Variants in KCNAB1 observed in about 807,000 individuals in gnomAD.
KCNAB1 encodes potassium voltage-gated channel subfamily A regulatory beta subunit 1.
KCNAB1 carries 35 observed loss-of-function variants against 64.6 expected under a neutral mutation model. The observed-to-expected ratio is 0.54, with a 90% CI of 0.41 to 0.72. The LOEUF is 0.72. KCNAB1 is among the 30% of genes least tolerant of loss of function. The probability of loss-of-function intolerance (pLI) is 0.00; values close to 1 mark genes in which losing one functional copy is unlikely to be tolerated. For missense variants in KCNAB1, 401 were observed against 512.9 expected (o/e 0.78, Z 2.11); for synonymous variants, 177 against 183.8 (o/e 0.96, Z 0.30).
At chr3:156,145,343 C>CT (rs1714975931) in intron 1 of KCNAB1, among the ~76,000 whole-genome samples, 1 of 152,196 alleles carries the variant, frequency 6.6e-6, no homozygotes, top group Non-Finnish European at 1.5e-5. Flanking sequence ...ACCCACTCCC[C>CT]AATGTCCTTA....
intron 3 of KCNAB1, 102 bp downstream of exon 3, chr3:156,453,038 G>A: frequency 3.0e-6 from 2 of 667,670 alleles, no homozygotes; most frequent in Non-Finnish European, 2.6e-6. Flanking sequence ...ACAGGGATAA[G>A]GTTTAATTCA....
intron 8 of KCNAB1, among the ~76,000 whole-genome samples, chr3:156,504,098 C>A (rs1716648596): frequency 6.6e-6 from 1 of 152,108 alleles, no homozygotes; most frequent in Non-Finnish European, 1.5e-5. Flanking sequence ...TACCACTATT[C>A]TTTTCTCTGC....
chr3:156,231,220 C>A (rs1360288994), intron 1 of KCNAB1, among the ~76,000 whole-genome samples: 1 of 152,124 alleles, frequency 6.6e-6, no homozygotes, highest in African/African-American at 2.4e-5. Context: ...GAGGACTAAG[C>A]TCTGATTTTT....
chr3:156,390,472 G>C (rs1712953502), intron 1 of KCNAB1, among the ~76,000 whole-genome samples: 1 of 152,150 alleles, frequency 6.6e-6, no homozygotes, highest in South Asian at 2.1e-4. Flanking sequence ...AAAAAAAGGA[G>C]GGAAAGTGTT....
intron 1 of KCNAB1, among the ~76,000 whole-genome samples, chr3:156,409,352 A>G (rs570224830): frequency 1.3e-5 from 2 of 152,354 alleles, no homozygotes; most frequent in South Asian, 4.1e-4. Flanking sequence ...AGGTTATTTC[A>G]TAGGATTCTA....
At chr3:156,156,542 TA>T in intron 1 of KCNAB1, among the ~76,000 whole-genome samples, 1 of 152,268 alleles carries the variant, frequency 6.6e-6, no homozygotes, top group East Asian at 1.9e-4. Context: ...CTGGAACTGT[TA>T]TAAAAGTAGC....
chr3:156,160,061 G>A (rs1466209757), intron 1 of KCNAB1, among the ~76,000 whole-genome samples: 3 of 152,222 alleles, frequency 2.0e-5, no homozygotes, highest in Non-Finnish European at 4.4e-5. Flanking sequence ...TCTCTTGATA[G>A]TCAGGGATGA....
At chr3:156,375,964 C>T (rs900056641) in intron 1 of KCNAB1, among the ~76,000 whole-genome samples, 11 of 152,186 alleles carry the variant, frequency 7.2e-5, no homozygotes, top group African/African-American at 2.2e-4. Flanking sequence ...GGATTAAAGG[C>T]GCATGCCAAC....
intron 1 of KCNAB1, among the ~76,000 whole-genome samples, chr3:156,189,038 C>G (rs1317005698): frequency 6.6e-6 from 1 of 152,142 alleles, no homozygotes; most frequent in Non-Finnish European, 1.5e-5. Flanking sequence ...CAGGTTCCTC[C>G]AACCACAAGC....
intron 1 of KCNAB1, among the ~76,000 whole-genome samples, chr3:156,189,969 A>C (rs761454924): frequency 8.5e-5 from 13 of 152,224 alleles, no homozygotes; most frequent in Non-Finnish European, 1.9e-4. Context: ...TGTTTGGCCA[A>C]ATATTAAACC....
At chr3:156,265,339 ACTT>A (rs144497205) in intron 1 of KCNAB1, among the ~76,000 whole-genome samples, 1,540 of 152,192 alleles carry the variant, frequency 0.01, 27 homozygotes, top group African/African-American at 0.035. Context: ...CCATCCAGCT[ACTT>A]CTTCTCCCTA....
chr3:156,272,032 T>G (rs1429694333), intron 1 of KCNAB1, among the ~76,000 whole-genome samples: 1 of 152,258 alleles, frequency 6.6e-6, no homozygotes, highest in Non-Finnish European at 1.5e-5. Context: ...ACTCTTGTTC[T>G]CTTTCCTTAC....
chr3:156,332,700 GT>G (rs1482692661), intron 1 of KCNAB1, among the ~76,000 whole-genome samples: 1 of 152,158 alleles, frequency 6.6e-6, no homozygotes, highest in African/African-American at 2.4e-5. Context: ...AGATGTCTGA[GT>G]TTTCTTTTCG....
At chr3:156,498,744 G>T (rs1489322211) in intron 8 of KCNAB1, among the ~76,000 whole-genome samples, 3 of 152,176 alleles carry the variant, frequency 2.0e-5, no homozygotes, top group Non-Finnish European at 4.4e-5. Flanking sequence ...CTGAAATATT[G>T]AAGTTGAGCA....
intron 1 of KCNAB1, among the ~76,000 whole-genome samples, chr3:156,337,758 C>T (rs1310860866): frequency 6.6e-6 from 1 of 152,024 alleles, no homozygotes; most frequent in Non-Finnish European, 1.5e-5. Flanking sequence ...GACTCAGCCT[C>T]GTGTGAAAGA....
chr3:156,176,889 G>A, intron 1 of KCNAB1: 1 of 1,139,368 alleles, frequency 8.8e-7, no homozygotes, highest in Non-Finnish European at 1.3e-6. Context: ...CTCTGGGCCT[G>A]TACGCTTCTG....
At chr3:156,337,886 C>T (rs929558621) in intron 1 of KCNAB1, among the ~76,000 whole-genome samples, 8 of 152,176 alleles carry the variant, frequency 5.3e-5, no homozygotes, top group African/African-American at 1.9e-4. Context: ...TTTCTTTATG[C>T]CGTGTCACAT....
chr3:156,424,448 A>G (rs1715683420), intron 2 of KCNAB1, among the ~76,000 whole-genome samples: 1 of 151,916 alleles, frequency 6.6e-6, no homozygotes, highest in Admixed American at 6.6e-5. Flanking sequence ...TATTGTTACT[A>G]TTTACTCATA....
At chr3:156,467,119 A>G (rs894524719) in intron 7 of KCNAB1, among the ~76,000 whole-genome samples, 1 of 152,186 alleles carries the variant, frequency 6.6e-6, no homozygotes, top group African/African-American at 2.4e-5. Context: ...CATCTAACAC[A>G]AAGCCTATTT....
Sources: allele counts gnomAD v4.1 joint callset (sites outside exome capture counted in the v4.1 genomes callset), GRCh38; gene constraint gnomAD v4.1.1; transcripts MANE v1.5; gene names NCBI Gene and HGNC (gene_info 2026-07-23, HGNC 2026-07-21).